Variants in UBE2D2 observed in about 807,000 individuals in gnomAD.
The protein encoded by UBE2D2 is ubiquitin-conjugating enzyme E2 D2.
UBE2D2 carries 2 observed loss-of-function variants against 24.2 expected under a neutral mutation model. That is an observed-to-expected ratio of 0.08 (90% CI 0.03 to 0.26). The LOEUF (loss-of-function observed/expected upper bound fraction) is 0.26, where lower values mean the gene tolerates loss of function less well. Among genes scored for constraint, UBE2D2 ranks in the 10% least tolerant of loss-of-function variants. The pLI is 1.00. For synonymous variants in UBE2D2, 58 were observed against 56.5 expected (o/e 1.03, Z -0.12); for missense variants, 44 against 177.6 (o/e 0.25, Z 4.28).
At chr5:139,577,404 CTTTTTTTTTTT>C (rs869189901) in intron 1 of UBE2D2, among the ~76,000 whole-genome samples, 6 of 69,110 alleles carry the variant, frequency 8.7e-5, no homozygotes, top group Admixed American at 3.8e-4. Context: ...TAGCATCTCT[CTTTTTTTTTTT>C]TTTTTTTTTT....
intron 5 of UBE2D2, among the ~76,000 whole-genome samples, chr5:139,622,849 C>T (rs564224995): frequency 2.0e-5 from 3 of 151,722 alleles, no homozygotes; most frequent in South Asian, 2.1e-4. Context: ...TAGACCGCGC[C>T]GCGCCACTGC....
rs185641886 is a variant in UBE2D2, at chr5:139,565,062, C to T, written c.24+3247C>T. Among the ~76,000 whole-genome samples the T allele has an allele frequency of 1.5e-4, 23 of 152,212 alleles. No individual in the cohort carries two copies. The East Asian group carries it at 4.0e-3, about 27-fold the overall frequency. On this transcript the variant is annotated intron_variant, in intron 1 of 6. Transcript: ENST00000398733. The stretch of plus-strand genomic sequence containing the variant: ...CCATTGCTTGGCTTCTATAATTGAT[C>T]TTGAACCTTCCCAATTATCATTCCC...
Position 139,569,975 on chromosome 5 carries a change from A to C in UBE2D2, c.24+8160A>C, listed in dbSNP as rs401870. Among the ~76,000 whole-genome samples, 1,291 of 152,264 alleles carry C rather than the reference A, an allele frequency of 8.5e-3. 9 individuals are homozygous for C. The highest frequency in any genetic ancestry group is 0.029 in the African/African-American group (1,198 of 41,548). The stretch of plus-strand genomic sequence containing the variant: ...TCATACTGCTTGAAACTGCAAATTT[A>C]GGCTTGACACAGTGGCTCATGCCTG... On this transcript the variant is annotated intron_variant, in intron 1 of 6. Transcript: ENST00000398733.
chr5:139,621,898 C>T (rs781578708), intron 5 of UBE2D2, among the ~76,000 whole-genome samples: 1 of 152,218 alleles, frequency 6.6e-6, no homozygotes, highest in Non-Finnish European at 1.5e-5. Context: ...GCTGTGATTA[C>T]AGGAGTGAGC....
At chr5:139,583,136 G>A (rs1308497665) in intron 1 of UBE2D2, among the ~76,000 whole-genome samples, 4 of 151,866 alleles carry the variant, frequency 2.6e-5, no homozygotes, top group East Asian at 2.0e-4. Flanking sequence ...CACCACACCC[G>A]GGTAATTTTT....
rs1754664804 is a variant in UBE2D2 at position 139,627,894 on chromosome 5, AAAC to A, written c.*1098_*1100del. On this transcript the variant is annotated 3_prime_UTR_variant, in exon 7 of 7. Transcript: ENST00000398733. The stretch of plus-strand genomic sequence containing the variant: ...GCATAAGCTTAAGAGCATTTCCATG[AAAC>A]AACACATGCAGCATTCCAGGAACTT... 4 of 152,678 alleles carry A rather than the reference AAAC, an allele frequency of 2.6e-5. No homozygotes were observed. The highest frequency in any genetic ancestry group is 2.6e-4 in the Admixed American group (4 of 15,284). The allele number at this position is 152,678 out of a possible 1,614,324, so 9.5% of individuals were successfully genotyped here.
At chr5:139,562,442 A>C (rs1753129730) in intron 1 of UBE2D2, 1 of 1,290,716 alleles carries the variant, frequency 7.7e-7, no homozygotes, top group African/African-American at 1.5e-5. Flanking sequence ...GTAGAGGGAG[A>C]ATCATTTTAT....
chr5:139,571,793 C>T (rs261530), intron 1 of UBE2D2, among the ~76,000 whole-genome samples: 46,376 of 150,402 alleles, frequency 0.31, 8,695 homozygotes, highest in African/African-American at 0.53. Context: ...CTCCTTCCCT[C>T]ACTCACTTCC....
chr5:139,624,661 C>T (rs1754578098), intron 6 of UBE2D2, among the ~76,000 whole-genome samples: 1 of 152,228 alleles, frequency 6.6e-6, no homozygotes, highest in Non-Finnish European at 1.5e-5. Flanking sequence ...TGGCGGGCAC[C>T]TGTAATCGCA....
chr5:139,548,193 A>AAAAAATAAATAAAT, intron 1 of UBE2D2, among the ~76,000 whole-genome samples: 563 of 46,636 alleles, frequency 0.012, 23 homozygotes, highest in Non-Finnish European at 0.015. Context: ...ATAAAAAAAA[A>AAAAAATAAATAAAT]AAATAAATAA....
At chr5:139,561,992 C>T in intron 1 of UBE2D2, 177 bp downstream of exon 1, 2 of 983,432 alleles carry the variant, frequency 2.0e-6, no homozygotes, top group Non-Finnish European at 2.8e-6. Flanking sequence ...CCCCGGCGCG[C>T]AGCCCGCGCT....
At chr5:139,567,829 C>T (rs1753267359) in intron 1 of UBE2D2, among the ~76,000 whole-genome samples, 1 of 152,090 alleles carries the variant, frequency 6.6e-6, no homozygotes, top group Non-Finnish European at 1.5e-5. Flanking sequence ...CCACTGTGCC[C>T]CGCCTTTTGT....
chr5:139,557,847 A>G (rs1376732611), upstream of UBE2D2, among the ~76,000 whole-genome samples: 1 of 152,168 alleles, frequency 6.6e-6, no homozygotes, highest in East Asian at 1.9e-4. Flanking sequence ...AGTTTATCCT[A>G]AGGCACTCTT....
At position 139,561,564 on chromosome 5, in the gene UBE2D2, G is replaced by C. The variant is rs1013050347; in HGVS notation, c.-228G>C. ...GGCGGCGGCGGTGGCGGCTAGGGCG[G>C]CGGCGAATAAAGGGGCCGCCGCCGG... On this transcript the variant is annotated 5_prime_UTR_variant, in exon 1 of 7. Transcript: ENST00000398733. The C allele has an allele frequency of 9.5e-6, 4 of 422,768 alleles. No individual in the cohort carries two copies. The highest frequency in any genetic ancestry group is 1.7e-5 in the Non-Finnish European group (4 of 240,450). The allele number at this position is 422,768 out of a possible 1,614,324, so 26.2% of individuals were successfully genotyped here.
Position 139,574,061 on chromosome 5 carries a change from A to G in UBE2D2, c.24+12246A>G, listed in dbSNP as rs184589264. Among the ~76,000 whole-genome samples, 40 of 151,944 alleles carry G rather than the reference A, an allele frequency of 2.6e-4. 1 individual carries two copies. Among genetic ancestry groups the G allele is most frequent in the African/African-American group, 9.2e-4 (38 of 41,522 alleles). Reference sequence around the variant, plus strand: ...ACACTTGAAATATTTAATATATAATAAGCTTCGATTAAATAACTTCTCTCT... The same window carrying G: ...ACACTTGAAATATTTAATATATAATGAGCTTCGATTAAATAACTTCTCTCT... On this transcript the variant is annotated intron_variant, in intron 1 of 6. Coordinates refer to ENST00000398733, the MANE Select transcript of UBE2D2 (RefSeq NM_003339.3).
intron 1 of UBE2D2, among the ~76,000 whole-genome samples, chr5:139,578,621 T>TA (rs1212943571): frequency 3.9e-5 from 6 of 152,176 alleles, no homozygotes; most frequent in Admixed American, 1.3e-4. Flanking sequence ...CCTGGCTTTT[T>TA]AAAAAAATTT....
At chr5:139,584,148 T>G (rs2126668383) in intron 1 of UBE2D2, among the ~76,000 whole-genome samples, 1 of 152,180 alleles carries the variant, frequency 6.6e-6, no homozygotes, top group African/African-American at 2.4e-5. Context: ...CCTATAGAGG[T>G]GTGCCATTTT....
chr5:139,594,091 C>G (rs1356790841), intron 1 of UBE2D2, among the ~76,000 whole-genome samples: 3 of 152,208 alleles, frequency 2.0e-5, no homozygotes, highest in South Asian at 2.1e-4. Context: ...TTGTTCCTTT[C>G]ACCTTACACC....
chr5:139,555,449 A>G (rs1380378833), intron 1 of UBE2D2, among the ~76,000 whole-genome samples: 1 of 152,220 alleles, frequency 6.6e-6, no homozygotes, highest in East Asian at 1.9e-4. Context: ...AAATAATTTG[A>G]AAATAACACT....
Sources: gnomAD v4.1 joint callset for allele counts (sites outside exome capture counted in the v4.1 genomes callset) on GRCh38, gnomAD v4.1.1 for gene constraint, MANE v1.5 for transcripts, NCBI Gene and HGNC (gene_info 2026-07-23, HGNC 2026-07-21) for gene names.